The following NOTCH1 variants were observed in gnomAD, a reference collection of about 807,000 sequenced individuals.
NOTCH1 encodes the protein notch receptor 1, also known as neurogenic locus notch homolog protein 1.
Under a neutral mutation model 254.8 loss-of-function variants are expected in NOTCH1, and 37 were observed. The ratio of observed to expected loss-of-function variants is 0.15; its 90% CI spans 0.11 to 0.19. NOTCH1 has a LOEUF of 0.19. NOTCH1 is among the 10% of genes least tolerant of loss of function. The pLI is 1.00. For synonymous variants in NOTCH1, 1,731 were observed against 1,618.1 expected (o/e 1.07, Z -1.68); for missense variants, 2,972 against 3,708.6 (o/e 0.80, Z 5.16).
chr9:136,528,161 C>T (rs1843498487), intron 2 of NOTCH1, among the ~76,000 whole-genome samples: 1 of 150,680 alleles, frequency 6.6e-6, no homozygotes, highest in African/African-American at 2.4e-5. Flanking sequence ...GACTCACTCA[C>T]TTCCTGCCCT....
At chr9:136,518,975 G>A in intron 5 of NOTCH1, 151 bp from the exon 6 acceptor site, 1 of 702,938 alleles carries the variant, frequency 1.4e-6, no homozygotes, top group Non-Finnish European at 2.6e-6. Flanking sequence ...TCCTTCCTCT[G>A]CAGGCCCAGC....
chr9:136,518,851 CG>C, intron 5 of NOTCH1, 27 bp from the exon 6 acceptor site: 1 of 1,598,756 alleles, frequency 6.3e-7, no homozygotes, highest in Non-Finnish European at 8.6e-7. Flanking sequence ...CTGTCGGCCC[CG>C]GGCAGCTGCC....
rs754311071 is a variant in NOTCH1 at position 136,508,400 on chromosome 9, G to C, written c.3172-15C>G. 6.2e-7 allele frequency: 1 copy of C among 1,612,938 alleles called. No individual in the cohort carries two copies. The highest frequency in any genetic ancestry group is 8.5e-7 in the Non-Finnish European group (1 of 1,179,970). ...TGCACAAGGTTCTGGGGACAGATTG[G>C]GGTCAGCTGGGTGCCCGCGCCCCGG... On this transcript the variant is annotated splice_polypyrimidine_tract_variant and intron_variant, in intron 19 of 33. Coordinates refer to ENST00000651671, the MANE Select transcript of NOTCH1 (RefSeq NM_017617.5).
rs2133361402 is a variant in NOTCH1 at position 136,514,722 on chromosome 9, G to C, written c.2015-20C>G. On this transcript the variant is annotated intron_variant, in intron 12 of 33. Coordinates refer to ENST00000651671, the MANE Select transcript of NOTCH1 (RefSeq NM_017617.5). ...TGCTCCCTAAGGGCAGGGCGGGTCAGACTCCGAGGCCCAGCGCCCAGGGGG... is the reference window on the plus strand; with the variant it reads ...TGCTCCCTAAGGGCAGGGCGGGTCACACTCCGAGGCCCAGCGCCCAGGGGG... 6.2e-7 allele frequency: 1 copy of C among 1,609,406 alleles called. No individual in the cohort carries two copies. Among genetic ancestry groups the C allele is most frequent in the Non-Finnish European group, 8.5e-7 (1 of 1,178,500 alleles).
intron 2 of NOTCH1, among the ~76,000 whole-genome samples, chr9:136,536,585 C>T (rs376936023): frequency 5.9e-5 from 9 of 152,326 alleles, no homozygotes; most frequent in South Asian, 2.1e-4. Flanking sequence ...CAGCCACCGC[C>T]GCTCCTTTGG....
rs544653892 is a variant in NOTCH1, at chr9:136,513,046, C to T, written c.2442G>A (p.Lys814=). Residue 814 remains lysine (K), a synonymous_variant, in exon 15 of 34, where the codon AAG becomes AAA. Transcript: ENST00000651671. This position sits in a 1 kb window ranked among gnomAD's most constrained non-coding sequence, Gnocchi z 4.7. The part of the protein sequence containing the change: ...GTCIDDVAGY[K]CNCLLPYTGA... ...CTGTGTAGGGCAGCAGGCAGTTGCA[C>T]TTGTACCCGGCAACGTCGTCAATAC... is the stretch of plus-strand genomic sequence containing the variant. 110 of 1,606,936 alleles carry T rather than the reference C, an allele frequency of 6.8e-5. 1 individual carries two copies. The South Asian group carries it at 1.0e-3, about 15-fold the overall frequency.
chr9:136,498,959 A>G lies in NOTCH1; in HGVS notation c.6120T>C (p.Asn2040=), dbSNP rs201625763. The part of the protein sequence containing the change: ...SALHWAAAVN[N]VDAAVVLLKN... ...TCAGGAGCACAACTGCGGCATCCAC[A>G]TTGTTCACGGCGGCGGCCCAGTGCA... Residue 2040 remains asparagine, a synonymous_variant, in exon 33 of 34, where the codon AAT becomes AAC. Coordinates refer to ENST00000651671, the MANE Select transcript of NOTCH1 (RefSeq NM_017617.5). 1.6e-4 allele frequency: 265 copies of G among 1,613,664 alleles called. No homozygotes were observed. In the South Asian group the frequency reaches 1.7e-3, roughly 10 times the overall value.
chr9:136,509,686 C>T (rs2133350037), intron 18 of NOTCH1, 47 bp downstream of exon 18: 2 of 1,565,762 alleles, frequency 1.3e-6, no homozygotes, highest in African/African-American at 1.4e-5. Flanking sequence ...CTGCGTGTGG[C>T]CCGCACCGCC....
At chr9:136,509,436 C>T (rs1225683582) in intron 18 of NOTCH1, among the ~76,000 whole-genome samples, 4 of 152,172 alleles carry the variant, frequency 2.6e-5, no homozygotes, top group Non-Finnish European at 4.4e-5. Context: ...AGCTTCCTGG[C>T]AAACACGGCA....
At chr9:136,517,239 G>T in intron 9 of NOTCH1, 33 bp downstream of exon 9, 1 of 1,422,514 alleles carries the variant, frequency 7.0e-7, no homozygotes, top group South Asian at 1.2e-5. Context: ...GGGTGCAGAC[G>T]ACCCGGGGGC....
chr9:136,502,309 G>T lies in NOTCH1; in HGVS notation c.5347C>A (p.Arg1783=), dbSNP rs528703507. 8.1e-6 allele frequency: 13 copies of T among 1,612,434 alleles called. 1 individual carries two copies. In the South Asian group the frequency reaches 1.4e-4, roughly 18 times the overall value. ...GAGTCCTCGCCGAGGGGCTCCCGCC[G>T]CTTCTTCTTGCTGGCCTCAGACACT... The part of the protein sequence containing the change: ...FKVSEASKKK[R]REPLGEDSVG... Residue 1783 remains arginine (R), a synonymous_variant, in exon 28 of 34, where the codon CGG becomes AGG. Coordinates refer to ENST00000651671, the MANE Select transcript of NOTCH1 (RefSeq NM_017617.5).
rs375826156 is a variant in NOTCH1 at position 136,496,023 on chromosome 9, C to T, written c.*48G>A. ...CTGGCATCCACAGAGCGCACACAGA[C>T]GCCCGAAGGCTTGGGAAAGGAAGCC... On this transcript the variant is annotated 3_prime_UTR_variant, in exon 34 of 34. Transcript: ENST00000651671. The T allele has an allele frequency of 3.0e-5, 47 of 1,567,642 alleles. No homozygotes were observed. Among genetic ancestry groups the T allele is most frequent in the African/African-American group, 9.4e-5 (7 of 74,812 alleles).
chr9:136,541,883 T>A (rs1843737385), intron 2 of NOTCH1, among the ~76,000 whole-genome samples: 1 of 151,930 alleles, frequency 6.6e-6, no homozygotes, highest in Non-Finnish European at 1.5e-5. Flanking sequence ...CACAATGGGG[T>A]CTCTGTGGGC....
Position 136,528,538 on chromosome 9 carries a change from G to A in NOTCH1, c.141-4559C>T, listed in dbSNP as rs148921100. ...GGATGGGCAGGGACAGTGGAGGGAC[G>A]GGCAGGGACAGTTGGTGGGACGGGC... On this transcript the variant is annotated intron_variant, in intron 2 of 33. Coordinates refer to ENST00000651671, the MANE Select transcript of NOTCH1 (RefSeq NM_017617.5). Among the ~76,000 whole-genome samples, 940 of 139,302 alleles carry A rather than the reference G, an allele frequency of 6.7e-3. 17 individuals carry two copies. Among genetic ancestry groups the A allele is most frequent in the African/African-American group, 0.024 (901 of 37,418 alleles). 91.4% of individuals were successfully genotyped at this position (139,302 alleles called of 152,430 possible). A position where few individuals can be genotyped will look rare whatever the true frequency, so the allele number is the denominator to read the frequency against.
rs2133314377 is a variant in NOTCH1 at position 136,496,215 on chromosome 9, G to T, written c.7524C>A (p.Pro2508=). 6.2e-7 allele frequency: 1 copy of T among 1,608,710 alleles called. No individual in the cohort carries two copies. Among genetic ancestry groups the T allele is most frequent in the East Asian group, 2.2e-5 (1 of 44,720 alleles). Residue 2508 remains proline (P), a synonymous_variant, in exon 34 of 34, where the codon CCC becomes CCA. Coordinates refer to ENST00000651671, the MANE Select transcript of NOTCH1 (RefSeq NM_017617.5). ...GGGACTCAGGGGACGGGGTGAGGAA[G>T]GGGTGCTCAGGCACCTGTAGCTGGT... ...PSHQLQVPEH[P]FLTPSPESPD...
chr9:136,501,297 G>A (rs1360346291), intron 30 of NOTCH1, among the ~76,000 whole-genome samples: 3 of 152,076 alleles, frequency 2.0e-5, no homozygotes, highest in African/African-American at 7.2e-5. Flanking sequence ...AGCCAGGTGT[G>A]GTGGCAGGCG....
intron 15 of NOTCH1, among the ~76,000 whole-genome samples, chr9:136,511,646 G>A (rs764594167): frequency 2.0e-5 from 3 of 152,206 alleles, no homozygotes; most frequent in Non-Finnish European, 4.4e-5. Flanking sequence ...GGCCCACCCC[G>A]GACGCAAGCC....
Position 136,504,710 on chromosome 9 carries a change from G to C in NOTCH1, c.4981C>G (p.Arg1661Gly). Residue 1661 changes from arginine (R) to glycine (G), a missense_variant, in exon 26 of 34, where the codon CGG (arginine) becomes GGG (glycine). Physicochemically the swap from Arg to Gly is moderately radical, Grantham distance 125 (BLOSUM62 -2). This residue lies in a region of NOTCH1 where 1,343 missense variants were observed against 1,557.0 expected (regional missense o/e 0.86). Coordinates refer to ENST00000651671, the MANE Select transcript of NOTCH1 (RefSeq NM_017617.5). ...ATGGGGTCCAGCTCCCTCCGCCGCCGCCCACCCTCGCTGCCACCAGGGAGC... is the reference window on the plus strand; with the variant it reads ...ATGGGGTCCAGCTCCCTCCGCCGCCCCCCACCCTCGCTGCCACCAGGGAGC... The part of the protein sequence containing the change: ...SLLPGGSEGG[R>G]RRRELDPMDV... 1.3e-6 allele frequency: 2 copies of C among 1,537,744 alleles called. No homozygotes were observed. The highest frequency in any genetic ancestry group is 1.8e-6 in the Non-Finnish European group (2 of 1,140,456).
chr9:136,511,023 C>T lies in NOTCH1; in HGVS notation c.2587+129G>A, dbSNP rs3125003. The T allele has an allele frequency of 0.056, 82,241 of 1,466,326 alleles. 11,001 individuals are homozygous for T. The East Asian group carries it at 0.63, about 11-fold the overall frequency. The allele number at this position is 1,466,326 out of a possible 1,614,324, so 90.8% of individuals were successfully genotyped here. On this transcript the variant is annotated intron_variant, in intron 16 of 33. Coordinates refer to ENST00000651671, the MANE Select transcript of NOTCH1 (RefSeq NM_017617.5). ...TCAATTCCTGATTCCAGAACTTCTC[C>T]GACCAGGGCCTCCTCAGCACCCACC... is the stretch of plus-strand genomic sequence containing the variant.
Sources: allele counts gnomAD v4.1 joint callset (sites outside exome capture counted in the v4.1 genomes callset), GRCh38; gene constraint gnomAD v4.1.1; regional missense constraint gnomAD v4.1.1; non-coding constraint Gnocchi (gnomAD v3.1); transcripts MANE v1.5; gene names NCBI Gene and HGNC (gene_info 2026-07-23, HGNC 2026-07-21).